Variants in MECOM observed in about 807,000 individuals in gnomAD.
MECOM encodes histone-lysine N-methyltransferase MECOM.
Under a neutral mutation model 116.3 loss-of-function variants are expected in MECOM, and 13 were observed. That is an observed-to-expected ratio of 0.11 (90% CI 0.07 to 0.18). The LOEUF is 0.18. Among genes scored for constraint, MECOM ranks in the 10% least tolerant of loss-of-function variants. The probability of loss-of-function intolerance (pLI) is 1.00; values close to 1 mark genes in which losing one functional copy is unlikely to be tolerated. For synonymous variants in MECOM, 528 were observed against 535.2 expected (o/e 0.99, Z 0.19); for missense variants, 1,299 against 1,509.0 (o/e 0.86, Z 2.31).
chr3:169,135,705 T>A (rs971486266), intron 3 of MECOM, among the ~76,000 whole-genome samples: 1 of 151,936 alleles, frequency 6.6e-6, no homozygotes, highest in Non-Finnish European at 1.5e-5. Flanking sequence ...AAAATTAAAT[T>A]TTCCCAGTAT....
chr3:169,582,854 G>A lies in MECOM; in HGVS notation c.37+80482C>T, dbSNP rs1576987828. On this transcript the variant is annotated intron_variant, in intron 1 of 16. Coordinates refer to ENST00000651503, the MANE Select transcript of MECOM (RefSeq NM_004991.4). ...ACTATTCATGATTTAAACACTTAGG[G>A]TTTTCTTTATGATTTGTCAGTTTCA... 3.3e-5 allele frequency among the ~76,000 whole-genome samples: 5 copies of A among 152,246 alleles called. No homozygotes were observed. In the South Asian group the frequency reaches 1.0e-3, roughly 32 times the overall value.
At chr3:169,345,440 G>A (rs958007096) in intron 2 of MECOM, among the ~76,000 whole-genome samples, 14 of 152,150 alleles carry the variant, frequency 9.2e-5, no homozygotes, top group East Asian at 1.9e-4. Flanking sequence ...CTTTATGTGC[G>A]TTCATAATAT....
At chr3:169,113,530 G>A (rs1728126863) in intron 8 of MECOM, among the ~76,000 whole-genome samples, 1 of 151,758 alleles carries the variant, frequency 6.6e-6, no homozygotes, top group Admixed American at 6.6e-5. Context: ...GAATGGGTGT[G>A]GTGAGAAGAG....
intron 2 of MECOM, among the ~76,000 whole-genome samples, chr3:169,325,102 A>C (rs1340190195): frequency 6.6e-6 from 1 of 152,136 alleles, no homozygotes; most frequent in African/African-American, 2.4e-5. Flanking sequence ...AATAGTGAAA[A>C]GTTTTCACTG....
chr3:169,104,694 GC>G lies in MECOM; in HGVS notation c.2605-2469del, dbSNP rs531693574. Among the ~76,000 whole-genome samples, 18 of 152,252 alleles carry G rather than the reference GC, an allele frequency of 1.2e-4. No homozygotes were observed. The East Asian group carries it at 3.5e-3, about 29-fold the overall frequency. On this transcript the variant is annotated intron_variant, in intron 10 of 16. Coordinates refer to ENST00000651503, the MANE Select transcript of MECOM (RefSeq NM_004991.4). ...CACGTTTCCTTTTATATGGAAAATAGCTTACTCATGACTATTATTCTCGGCT... is the reference window on the plus strand; with the variant it reads ...CACGTTTCCTTTTATATGGAAAATAGTTACTCATGACTATTATTCTCGGCT...
Position 169,212,315 on chromosome 3 carries a change from G to T in MECOM, c.376-68483C>A, listed in dbSNP as rs575385741. On this transcript the variant is annotated intron_variant, in intron 2 of 16. Transcript: ENST00000651503. ...AGATCATGCCATCCCCTGTTAAAAT[G>T]CTCTGATGGCTTTCTACTACATGTA... is the stretch of plus-strand genomic sequence containing the variant. Among the ~76,000 whole-genome samples the T allele has an allele frequency of 3.8e-4, 57 of 151,996 alleles. No individual in the cohort carries two copies. The South Asian group carries it at 0.012, about 31-fold the overall frequency.
intron 1 of MECOM, among the ~76,000 whole-genome samples, chr3:169,626,314 CTA>C (rs1771366425): frequency 6.6e-6 from 1 of 152,200 alleles, no homozygotes; most frequent in Non-Finnish European, 1.5e-5. Context: ...GTAAATTTCT[CTA>C]TGTCTGACTG....
chr3:169,443,046 CA>C (rs148053213), intron 1 of MECOM, among the ~76,000 whole-genome samples: 1,925 of 148,758 alleles, frequency 0.013, 38 homozygotes, highest in African/African-American at 0.044. Context: ...ACCACAGCAT[CA>C]AAAAAAAAAT....
chr3:169,259,658 G>A (rs1405248049), intron 2 of MECOM, among the ~76,000 whole-genome samples: 11 of 152,306 alleles, frequency 7.2e-5, no homozygotes, highest in African/African-American at 2.6e-4. Flanking sequence ...GACCCCAGAA[G>A]GTCAAGCTGC....
chr3:169,501,737 T>C (rs1482873159), intron 1 of MECOM, among the ~76,000 whole-genome samples: 1 of 152,106 alleles, frequency 6.6e-6, no homozygotes, highest in Non-Finnish European at 1.5e-5. Flanking sequence ...TGGCTCTCAT[T>C]CATGTTAGCT....
At chr3:169,482,326 TTC>T (rs1324161394) in intron 1 of MECOM, among the ~76,000 whole-genome samples, 4 of 104,944 alleles carry the variant, frequency 3.8e-5, no homozygotes, top group African/African-American at 1.2e-4. Context: ...TTAACCCACG[TTC>T]TTTTTTTTTT....
intron 2 of MECOM, among the ~76,000 whole-genome samples, chr3:169,361,037 G>C (rs544387123): frequency 2.0e-5 from 3 of 151,746 alleles, no homozygotes; most frequent in African/African-American, 4.8e-5. Context: ...CCAAATTAAG[G>C]GGTAGTAAAA....
Position 169,336,036 on chromosome 3 carries a change from T to G in MECOM, c.375+45151A>C, listed in dbSNP as rs79629316. Among the ~76,000 whole-genome samples the G allele has an allele frequency of 6.8e-3, 1,041 of 152,266 alleles. 13 individuals carry two copies. Among genetic ancestry groups the G allele is most frequent in the African/African-American group, 0.024 (1,002 of 41,570 alleles). On this transcript the variant is annotated intron_variant, in intron 2 of 16. Coordinates refer to ENST00000651503, the MANE Select transcript of MECOM (RefSeq NM_004991.4). ...TTTGCGATTTTTTAGCGTTTGGTTT[T>G]GTTAGATATCAAAATGGCTTTCTGG... is the stretch of plus-strand genomic sequence containing the variant.
intron 2 of MECOM, among the ~76,000 whole-genome samples, chr3:169,171,557 T>C (rs750840972): frequency 8.6e-5 from 13 of 151,888 alleles, no homozygotes; most frequent in Non-Finnish European, 1.2e-4. Flanking sequence ...TAGTAAAAAA[T>C]GACCTTAAAA....
At chr3:169,135,184 G>GA (rs1735982939) in intron 3 of MECOM, among the ~76,000 whole-genome samples, 1 of 151,918 alleles carries the variant, frequency 6.6e-6, no homozygotes, top group Middle Eastern at 3.2e-3. Flanking sequence ...TTGTGTTGGA[G>GA]AAAAATGGAA....
chr3:169,551,754 C>CAA (rs1761429311), intron 1 of MECOM, among the ~76,000 whole-genome samples: 1 of 152,102 alleles, frequency 6.6e-6, no homozygotes, highest in South Asian at 2.1e-4. Flanking sequence ...AACTTGTTCA[C>CAA]AAATATTCAC....
In MECOM at chr3:169,178,544, G is replaced by T. The variant is rs77680664; in HGVS notation, c.376-34712C>A. Among the ~76,000 whole-genome samples, 614 of 152,238 alleles carry T rather than the reference G, an allele frequency of 4.0e-3. 4 individuals carry two copies. Among genetic ancestry groups the T allele is most frequent in the African/African-American group, 0.014 (578 of 41,538 alleles). Reference sequence around the variant, plus strand: ...GACAATGTATAGCCAGCTAAGAAGAGAAGTTTCTGGCCATCTATTTAGTGC... The same window carrying T: ...GACAATGTATAGCCAGCTAAGAAGATAAGTTTCTGGCCATCTATTTAGTGC... On this transcript the variant is annotated intron_variant, in intron 2 of 16. Coordinates refer to ENST00000651503, the MANE Select transcript of MECOM (RefSeq NM_004991.4).
rs771561434 is a variant in MECOM at position 169,121,116 on chromosome 3, C to T, written c.1072G>A (p.Ala358Thr). ...TGTTGTTTGAGGCCCGACGAAGTGG[C>T]AAACGTTTTGCCACACTCCGGGCAT... ...HACPECGKTF[A>T]TSSGLKQHKH... Residue 358 changes from alanine (A) to threonine (T), a missense_variant, in exon 7 of 17, where the codon GCC becomes ACC. Around this residue, in one of 6 missense-constraint regions of MECOM, gnomAD observed 42 missense variants for 103.9 expected, o/e 0.40. Transcript: ENST00000651503. 1.2e-5 allele frequency: 19 copies of T among 1,613,444 alleles called. No individual in the cohort carries two copies. The highest frequency in any genetic ancestry group is 1.7e-5 in the Admixed American group (1 of 59,948).
chr3:169,455,331 A>G (rs1476724380), intron 1 of MECOM, among the ~76,000 whole-genome samples: 1 of 152,188 alleles, frequency 6.6e-6, no homozygotes, highest in Non-Finnish European at 1.5e-5. Flanking sequence ...AGGGATATTT[A>G]TATCCATATA....
Sources: gnomAD v4.1 joint callset for allele counts (sites outside exome capture counted in the v4.1 genomes callset) on GRCh38, gnomAD v4.1.1 for gene constraint, gnomAD v4.1.1 regional missense constraint, MANE v1.5 for transcripts, NCBI Gene and HGNC (gene_info 2026-07-23, HGNC 2026-07-21) for gene names.